BCL2: variants seen among roughly 807,000 people sequenced by gnomAD.
BCL2 encodes apoptosis regulator Bcl-2.
In BCL2, 1 loss-of-function variant was observed where a neutral mutation model predicts 14.2. The observed-to-expected ratio is 0.07, with a 90% CI of 0.02 to 0.33. The LOEUF is 0.33. Ranked by LOEUF, BCL2 falls within the 10% of genes least tolerant of loss-of-function variation. The pLI is 0.99. For missense variants in BCL2, 247 were observed against 305.9 expected (o/e 0.81, Z 1.44); for synonymous variants, 151 against 137.2 (o/e 1.10, Z -0.70).
Position 63,156,087 on chromosome 18 carries a change from C to CAAAAAAAAAA in BCL2, c.586-27338_586-27329dup, listed in dbSNP as rs10640757. The stretch of plus-strand genomic sequence containing the variant: ...ATATTCATGAGGCTTGCTGAGAAGC[C>CAAAAAAAAAA]AAAAAAAAAAAAAAAAAAAGGCTTG... On this transcript the variant is annotated intron_variant, in intron 2 of 2. Transcript: ENST00000333681. 3.1e-5 allele frequency among the ~76,000 whole-genome samples: 2 copies of CAAAAAAAAAA among 64,250 alleles called. 1 individual carries two copies. 42.2% of individuals were successfully genotyped at this position (64,250 alleles called of 152,430 possible).
intron 2 of BCL2, among the ~76,000 whole-genome samples, chr18:63,268,592 G>T (rs1033789901): frequency 2.6e-5 from 4 of 152,158 alleles, no homozygotes; most frequent in Admixed American, 1.3e-4. Context: ...TGTGAGTCTA[G>T]TTCTGAGCAA....
rs1032775527 is a variant in BCL2 at position 63,149,855 on chromosome 18, T to A, written c.586-21096A>T. ...CTCCTGACATGAGGCATTTATTTATTTATTTATTTATTTATTTATTTATTT... is the reference window on the plus strand; with the variant it reads ...CTCCTGACATGAGGCATTTATTTATATATTTATTTATTTATTTATTTATTT... On this transcript the variant is annotated intron_variant, in intron 2 of 2. Transcript: ENST00000333681. The surrounding 1 kb of genome is among the most constrained non-coding windows in gnomAD (Gnocchi z 4.2). Among the ~76,000 whole-genome samples, 3 of 92,524 alleles carry A rather than the reference T, an allele frequency of 3.2e-5. No individual in the cohort carries two copies. Among genetic ancestry groups the A allele is most frequent in the African/African-American group, 1.1e-4 (3 of 28,248 alleles). 60.7% of individuals were successfully genotyped at this position (92,524 alleles called of 152,430 possible).
At chr18:63,254,258 C>T (rs989587056) in intron 2 of BCL2, among the ~76,000 whole-genome samples, 2 of 151,816 alleles carry the variant, frequency 1.3e-5, no homozygotes, top group African/African-American at 4.8e-5. Flanking sequence ...AGAGTTCCTT[C>T]TTCCTGTCCA....
At chr18:63,199,593 C>T (rs1269529829) in intron 2 of BCL2, among the ~76,000 whole-genome samples, 1 of 151,452 alleles carries the variant, frequency 6.6e-6, no homozygotes, top group Non-Finnish European at 1.5e-5. Context: ...ACAGACACAA[C>T]ATAGACACAC....
intron 2 of BCL2, among the ~76,000 whole-genome samples, chr18:63,197,232 G>A (rs901068260): frequency 6.6e-6 from 1 of 152,148 alleles, no homozygotes; most frequent in Non-Finnish European, 1.5e-5. Flanking sequence ...CCGGCTAAGC[G>A]CCCCCTGCCA....
chr18:63,181,980 G>A (rs1915489438), intron 2 of BCL2, among the ~76,000 whole-genome samples: 1 of 152,122 alleles, frequency 6.6e-6, no homozygotes, highest in Non-Finnish European at 1.5e-5. Context: ...CTGCTGGGGG[G>A]CACCTCCTTA....
chr18:63,230,077 G>C (rs184963407), intron 2 of BCL2, among the ~76,000 whole-genome samples: 122 of 152,194 alleles, frequency 8.0e-4, no homozygotes, highest in African/African-American at 2.8e-3. Flanking sequence ...CCAATAAATA[G>C]AGAATGCACA....
At chr18:63,142,264 G>C (rs1914385593) in intron 2 of BCL2, among the ~76,000 whole-genome samples, 1 of 152,236 alleles carries the variant, frequency 6.6e-6, no homozygotes, top group Non-Finnish European at 1.5e-5. Context: ...GACTAGGCTG[G>C]AGGATGCGGC....
chr18:63,206,024 T>G lies in BCL2; in HGVS notation c.586-77265A>C, dbSNP rs537674801. Among the ~76,000 whole-genome samples, 5 of 152,356 alleles carry G rather than the reference T, an allele frequency of 3.3e-5. No individual in the cohort carries two copies. In the East Asian group the frequency reaches 9.6e-4, roughly 29 times the overall value. ...CACTTCCTTTGAACTTGTACCTTCC[T>G]GCTGTGCCTCAGGCCTCTCCCTCTT... On this transcript the variant is annotated intron_variant, in intron 2 of 2. Transcript: ENST00000333681.
chr18:63,286,293 C>T (rs1189371023), intron 2 of BCL2, among the ~76,000 whole-genome samples: 1 of 152,196 alleles, frequency 6.6e-6, no homozygotes, highest in Admixed American at 6.5e-5. Flanking sequence ...GCACCTTTTA[C>T]ACAGTTGGGG....
chr18:63,147,834 T>C (rs956214580), intron 2 of BCL2, among the ~76,000 whole-genome samples: 1 of 152,166 alleles, frequency 6.6e-6, no homozygotes, highest in African/African-American at 2.4e-5. Flanking sequence ...ATGGTTTTCA[T>C]CCCTATTCCT....
At chr18:63,140,157 G>A (rs533620203) in intron 2 of BCL2, among the ~76,000 whole-genome samples, 47 of 152,304 alleles carry the variant, frequency 3.1e-4, no homozygotes, top group East Asian at 1.7e-3. Context: ...ACAAGTGTTG[G>A]CAAGGATGTT....
At chr18:63,153,166 C>G (rs1914691237) in intron 2 of BCL2, among the ~76,000 whole-genome samples, 1 of 152,182 alleles carries the variant, frequency 6.6e-6, no homozygotes, top group South Asian at 2.1e-4. Flanking sequence ...GTTATCAGTT[C>G]TCCTCTCGTT....
At chr18:63,260,787 A>T (rs768203582) in intron 2 of BCL2, among the ~76,000 whole-genome samples, 11 of 152,336 alleles carry the variant, frequency 7.2e-5, no homozygotes, top group Admixed American at 2.6e-4. Flanking sequence ...AAGAGGAACA[A>T]TAACTCCTTC....
intron 2 of BCL2, among the ~76,000 whole-genome samples, chr18:63,179,777 T>A (rs1369061269): frequency 6.6e-6 from 1 of 152,192 alleles, no homozygotes; most frequent in African/African-American, 2.4e-5. Flanking sequence ...GTGGGGATGA[T>A]AATAGTACCT....
intron 2 of BCL2, among the ~76,000 whole-genome samples, chr18:63,174,352 A>G (rs1915298554): frequency 6.6e-6 from 1 of 152,130 alleles, no homozygotes; most frequent in South Asian, 2.1e-4. Context: ...GGGTGGATGA[A>G]TGGATGTCTC....
At chr18:63,289,491 A>G (rs1178717468) in intron 2 of BCL2, among the ~76,000 whole-genome samples, 1 of 152,232 alleles carries the variant, frequency 6.6e-6, no homozygotes, top group Non-Finnish European at 1.5e-5. Context: ...AATCTTGCTA[A>G]GGAGTAGCAG....
In BCL2 at chr18:63,275,247, A is replaced by G. The variant is rs567597985; in HGVS notation, c.585+42835T>C. ...CAGACCCTGTCTCAAAAAAAAAAAA[A>G]AGGGAAATAATTTTCGATCAAGGTT... On this transcript the variant is annotated intron_variant, in intron 2 of 2. Transcript: ENST00000333681. Among the ~76,000 whole-genome samples, 69 of 142,014 alleles carry G rather than the reference A, an allele frequency of 4.9e-4. 1 individual carries two copies. The highest frequency in any genetic ancestry group is 1.9e-3 in the African/African-American group (68 of 35,766). The allele number at this position is 142,014 out of a possible 152,430, so 93.2% of individuals were successfully genotyped here. A position where few individuals can be genotyped will look rare whatever the true frequency, so the allele number is the denominator to read the frequency against.
chr18:63,148,818 T>C (rs1322103273), intron 2 of BCL2, among the ~76,000 whole-genome samples: 1 of 152,214 alleles, frequency 6.6e-6, no homozygotes, highest in Non-Finnish European at 1.5e-5. Flanking sequence ...GATCATCTAG[T>C]GTGGTCCTCC....
Sources: allele counts gnomAD v4.1 joint callset (sites outside exome capture counted in the v4.1 genomes callset), GRCh38; gene constraint gnomAD v4.1.1; non-coding constraint Gnocchi (gnomAD v3.1); transcripts MANE v1.5; gene names NCBI Gene and HGNC (gene_info 2026-07-23, HGNC 2026-07-21).